Variants in PCDHGB1 observed in about 807,000 individuals in gnomAD.
The protein encoded by PCDHGB1 is protocadherin gamma-B1.
Under a neutral mutation model 56.6 loss-of-function variants are expected in PCDHGB1, and 34 were observed. The ratio of observed to expected loss-of-function variants is 0.60; its 90% CI spans 0.46 to 0.80. The LOEUF (loss-of-function observed/expected upper bound fraction) is 0.80. Ranked by LOEUF, PCDHGB1 falls within the 30% of genes least tolerant of loss-of-function variation. The pLI is 0.00. For synonymous variants in PCDHGB1, 561 were observed against 505.9 expected (o/e 1.11, Z -1.46); for missense variants, 1,278 against 1,204.6 (o/e 1.06, Z -0.90).
chr5:141,384,837 C>T, intron 1 of PCDHGB1: 1 of 1,613,562 alleles, frequency 6.2e-7, no homozygotes, highest in Non-Finnish European at 8.5e-7. Flanking sequence ...TGGTGGCCGT[C>T]CAGGACCACG....
At chr5:141,362,441 A>G (rs761899854) in intron 1 of PCDHGB1, 1 of 1,614,052 alleles carries the variant, frequency 6.2e-7, no homozygotes, top group South Asian at 1.1e-5. Flanking sequence ...AATTTTCTGA[A>G]CATAACCCCG....
At chr5:141,361,516 G>C in intron 1 of PCDHGB1, 2 of 1,614,060 alleles carry the variant, frequency 1.2e-6, no homozygotes. Flanking sequence ...CATGGTTCAC[G>C]TGGCAGAGAA....
At chr5:141,374,953 A>G (rs748125378) in intron 1 of PCDHGB1, 1 of 1,614,024 alleles carries the variant, frequency 6.2e-7, no homozygotes, top group Non-Finnish European at 8.5e-7. Context: ...AGATCTCACA[A>G]ATTTTCTGTT....
chr5:141,445,272 T>C (rs1057201147), intron 1 of PCDHGB1, among the ~76,000 whole-genome samples: 1 of 152,236 alleles, frequency 6.6e-6, no homozygotes, highest in Non-Finnish European at 1.5e-5. Flanking sequence ...TCGAAACCAC[T>C]CTGCATAAGT....
rs549713754 is a variant in PCDHGB1 at position 141,365,181 on chromosome 5, A to C, written c.2409+12512A>C. On this transcript the variant is annotated intron_variant, in intron 1 of 3. Coordinates refer to ENST00000523390, the MANE Select transcript of PCDHGB1 (RefSeq NM_018922.3). ...AAATTGACCTACTCTTTTCGCAATG[A>C]AGAAGAAAAAATTTCGGAGACTTTC... 46 of 1,613,864 alleles carry C rather than the reference A, an allele frequency of 2.9e-5. No homozygotes were observed. In the South Asian group the frequency reaches 3.8e-4, roughly 13 times the overall value.
rs148331367 is a variant in PCDHGB1 at position 141,435,055 on chromosome 5, A to C, written c.2410-59752A>C. ...TTTATTTTTTTCCCATTGACCATGC[A>C]GCAGTTTTGTGTAGACCGTCTGATA... On this transcript the variant is annotated intron_variant, in intron 1 of 3. Transcript: ENST00000523390. Among the ~76,000 whole-genome samples, 21 of 152,242 alleles carry C rather than the reference A, an allele frequency of 1.4e-4. No individual in the cohort carries two copies. The East Asian group carries it at 4.0e-3, about 29-fold the overall frequency.
chr5:141,386,522 C>T (rs1561611649), intron 1 of PCDHGB1, among the ~76,000 whole-genome samples: 3 of 152,174 alleles, frequency 2.0e-5, no homozygotes, highest in African/African-American at 4.8e-5. Flanking sequence ...CAAAAAAAGA[C>T]TCTTTTTAGA....
chr5:141,355,556 T>A, intron 1 of PCDHGB1: 1 of 1,613,912 alleles, frequency 6.2e-7, no homozygotes, highest in Non-Finnish European at 8.5e-7. Flanking sequence ...ATTTTGCGGG[T>A]AGAGGTGGAA....
intron 1 of PCDHGB1, chr5:141,372,633 A>G: frequency 6.2e-7 from 1 of 1,613,996 alleles, no homozygotes; most frequent in South Asian, 1.1e-5. Context: ...CAGCGAAAGG[A>G]CTTTGCCTTA....
chr5:141,420,205 C>T (rs776838072), intron 1 of PCDHGB1: 14 of 1,612,942 alleles, frequency 8.7e-6, no homozygotes, highest in African/African-American at 1.3e-5. Context: ...ATAACCTCAA[C>T]AAAGATAGCA....
chr5:141,490,180 C>T lies in PCDHGB1; in HGVS notation c.2410-4627C>T, dbSNP rs747366205. On this transcript the variant is annotated intron_variant, in intron 1 of 3. Coordinates refer to ENST00000523390, the MANE Select transcript of PCDHGB1 (RefSeq NM_018922.3). This position sits in a 1 kb window ranked among gnomAD's most constrained non-coding sequence, Gnocchi z 5.4. ...GGGTCCCATAGACTTTGAGGAGTCACGTTTCTATGAAATTCATGCAAGAGC... is the reference window on the plus strand; with the variant it reads ...GGGTCCCATAGACTTTGAGGAGTCATGTTTCTATGAAATTCATGCAAGAGC... 3 of 1,614,208 alleles carry T rather than the reference C, an allele frequency of 1.9e-6. No individual in the cohort carries two copies. Among genetic ancestry groups the T allele is most frequent in the East Asian group, 2.2e-5 (1 of 44,882 alleles).
chr5:141,374,202 A>G, intron 1 of PCDHGB1: 1 of 1,613,868 alleles, frequency 6.2e-7, no homozygotes, highest in Non-Finnish European at 8.5e-7. Context: ...GAGGAGCTGG[A>G]GAAAGGCTCC....
Position 141,474,743 on chromosome 5 carries a change from T to A in PCDHGB1, c.2410-20064T>A, listed in dbSNP as rs113053006. Among the ~76,000 whole-genome samples the A allele has an allele frequency of 4.0e-3, 610 of 152,354 alleles. 8 individuals carry two copies. The highest frequency in any genetic ancestry group is 0.014 in the African/African-American group (593 of 41,580). On this transcript the variant is annotated intron_variant, in intron 1 of 3. Transcript: ENST00000523390. ...AGGACTCTATGCAATCAAAGTGATG[T>A]CCAAGACAAATATACAGAAATAGTA...
At chr5:141,422,307 C>T in intron 1 of PCDHGB1, 4 of 1,547,552 alleles carry the variant, frequency 2.6e-6, no homozygotes, top group South Asian at 1.3e-5. Flanking sequence ...TTCTGGAAAA[C>T]TCTCCTCCAG....
At chr5:141,439,996 G>C (rs1156373511) in intron 1 of PCDHGB1, 1 of 153,262 alleles carries the variant, frequency 6.5e-6, no homozygotes, top group African/African-American at 2.4e-5. Flanking sequence ...GTTTGGTGGT[G>C]GGAAACCTTG....
At chr5:141,388,764 T>A in intron 1 of PCDHGB1, 1 of 1,613,990 alleles carries the variant, frequency 6.2e-7, no homozygotes. Flanking sequence ...TGACCTGAAC[T>A]CTAACACCGG....
chr5:141,352,348 A>C lies in PCDHGB1; in HGVS notation c.2088A>C (p.Ser696=). Residue 696 remains serine (S), a synonymous_variant, in exon 1 of 4, where the codon TCA becomes TCC. Transcript: ENST00000523390. ...TGGTTGTGGCCTTGGCCTTGATCTC[A>C]GTGCTCTTTCTCCTCGCGGTGATTC... ...FYLVVALALI[S]VLFLLAVILA... is the part of the protein sequence containing the mutation. 6.2e-7 allele frequency: 1 copy of C among 1,613,802 alleles called. No homozygotes were observed.
Position 141,431,645 on chromosome 5 carries a change from T to C in PCDHGB1, c.2410-63162T>C. ...GGCGGCCCAAGTTTTCAAACTAGAT[T>C]GTAATTCAGGGACAATATCAACAAT... is the stretch of plus-strand genomic sequence containing the variant. On this transcript the variant is annotated intron_variant, in intron 1 of 3. Coordinates refer to ENST00000523390, the MANE Select transcript of PCDHGB1 (RefSeq NM_018922.3). This position sits in a 1 kb window ranked among gnomAD's most constrained non-coding sequence, Gnocchi z 4.8. 6.2e-7 allele frequency: 1 copy of C among 1,614,236 alleles called. No individual in the cohort carries two copies.
chr5:141,427,568 T>A (rs1260622772), intron 1 of PCDHGB1: 1 of 660,576 alleles, frequency 1.5e-6, no homozygotes, highest in Admixed American at 2.1e-5. Flanking sequence ...AGGGCAAGCC[T>A]CCGCTCTCAT....
Sources: allele counts gnomAD v4.1 joint callset (sites outside exome capture counted in the v4.1 genomes callset), GRCh38; gene constraint gnomAD v4.1.1; non-coding constraint Gnocchi (gnomAD v3.1); transcripts MANE v1.5; gene names NCBI Gene and HGNC (gene_info 2026-07-23, HGNC 2026-07-21).